The following MS4A4E variants were observed in gnomAD, a reference collection of about 807,000 sequenced individuals.
MS4A4E encodes the protein putative membrane-spanning 4-domains subfamily A member 4E.
In MS4A4E, 23 loss-of-function variants were observed where a neutral mutation model predicts 13.3. That is an observed-to-expected ratio of 1.73 (90% confidence interval 1.25 to 2.45). The LOEUF is 2.45. Ranked by LOEUF, MS4A4E falls within the 30% of genes most tolerant of loss-of-function variation. The probability of loss-of-function intolerance (pLI) is 0.00; values close to 1 mark genes in which losing one functional copy is unlikely to be tolerated. For missense variants in MS4A4E, 144 were observed against 131.2 expected, an observed-to-expected ratio of 1.10 and a Z score of -0.48; for synonymous variants, 36 against 45.6, an observed-to-expected ratio of 0.79 and a Z score of 0.85.
chr11:60,242,444 C>G (rs539037226), intron 1 of MS4A4E, among the ~76,000 whole-genome samples: 4 of 152,268 alleles, frequency 2.6e-5, no homozygotes, highest in East Asian at 3.9e-4. Flanking sequence ...TGGAGAACTA[C>G]GTCAGGCCAC....
chr11:60,236,248 C>T (rs1202453490), intron 1 of MS4A4E, among the ~76,000 whole-genome samples: 1 of 152,182 alleles, frequency 6.6e-6, no homozygotes, highest in African/African-American at 2.4e-5. Context: ...GTGCACCAAA[C>T]TATTTTTCTC....
chr11:60,225,982 T>C (rs2084336769), intron 3 of MS4A4E, among the ~76,000 whole-genome samples: 1 of 151,810 alleles, frequency 6.6e-6, no homozygotes, highest in African/African-American at 2.4e-5. Context: ...ATCACTACAG[T>C]TCCCATAGTA....
intron 3 of MS4A4E, chr11:60,224,943 T>C (rs1009377262): frequency 1.3e-6 from 2 of 1,487,470 alleles, no homozygotes; most frequent in Admixed American, 2.1e-5. Context: ...TATCCAATTA[T>C]ATCAAAAAAT....
At chr11:60,206,479 A>ATATATATGTATATATATATACACG in intron 6 of MS4A4E, among the ~76,000 whole-genome samples, 1 of 5,524 alleles carries the variant, frequency 1.8e-4, no homozygotes, top group Admixed American at 3.3e-3. Context: ...ACACACATAT[A>ATATATATGTATATATATATACACG]TATATATATG....
intron 8 of MS4A4E, among the ~76,000 whole-genome samples, chr11:60,203,762 A>G (rs2084010560): frequency 1.3e-5 from 2 of 152,310 alleles, no homozygotes; most frequent in African/African-American, 4.8e-5. Flanking sequence ...AATTAGATAA[A>G]TAAATAAAAA....
intron 1 of MS4A4E, among the ~76,000 whole-genome samples, chr11:60,242,130 T>C (rs184160854): frequency 3.3e-5 from 5 of 152,136 alleles, no homozygotes; most frequent in Admixed American, 2.6e-4. Flanking sequence ...AGGAGGATGA[T>C]GGGGATGCAG....
intron 1 of MS4A4E, among the ~76,000 whole-genome samples, chr11:60,231,777 G>T (rs2084414108): frequency 6.6e-6 from 1 of 152,110 alleles, no homozygotes; most frequent in African/African-American, 2.4e-5. Flanking sequence ...CCAACAAAAA[G>T]ACATGCTTAG....
intron 8 of MS4A4E, among the ~76,000 whole-genome samples, 62 bp downstream of exon 8, chr11:60,204,828 A>G (rs775585799): frequency 2.0e-5 from 3 of 152,248 alleles, no homozygotes; most frequent in African/African-American, 4.8e-5. Flanking sequence ...TTAAGGTTCT[A>G]TATACTACAT....
intron 8 of MS4A4E, among the ~76,000 whole-genome samples, chr11:60,203,233 T>A (rs537970292): frequency 6.6e-6 from 1 of 152,204 alleles, no homozygotes; most frequent in Non-Finnish European, 1.5e-5. Flanking sequence ...GTTTAATAAT[T>A]CTTTATATGT....
Position 60,214,659 on chromosome 11 carries a change from A to T in MS4A4E, c.179-45T>A, listed in dbSNP as rs1217792513. On this transcript the variant is annotated intron_variant, in intron 3 of 8. Coordinates refer to ENST00000651255, the MANE Select transcript of MS4A4E (RefSeq NM_001393391.1). Reference sequence around the variant, plus strand: ...ATGAGAGAAAAAAATGGAGATAAAAAGTTTTAAACAAGTATTGGAAATCAC... The same window carrying T: ...ATGAGAGAAAAAAATGGAGATAAAATGTTTTAAACAAGTATTGGAAATCAC... 6 of 1,319,720 alleles carry T rather than the reference A, an allele frequency of 4.5e-6. No individual in the cohort carries two copies. In the East Asian group the frequency reaches 1.3e-4, roughly 28 times the overall value. The allele number at this position is 1,319,720 out of a possible 1,614,324, so 81.8% of individuals were successfully genotyped here.
At chr11:60,220,034 C>T (rs1471609689) in intron 3 of MS4A4E, among the ~76,000 whole-genome samples, 1 of 152,168 alleles carries the variant, frequency 6.6e-6, no homozygotes, top group African/African-American at 2.4e-5. Flanking sequence ...AGAGTGAAGG[C>T]TACTATGGTG....
intron 1 of MS4A4E, among the ~76,000 whole-genome samples, chr11:60,231,076 T>C (rs2084405216): frequency 6.6e-6 from 1 of 152,176 alleles, no homozygotes; most frequent in Admixed American, 6.5e-5. Flanking sequence ...TTATCTCTGA[T>C]AGATCAATGA....
intron 1 of MS4A4E, among the ~76,000 whole-genome samples, chr11:60,238,934 C>T (rs1408060252): frequency 6.6e-6 from 1 of 152,202 alleles, no homozygotes; most frequent in East Asian, 1.9e-4. Context: ...TACGACCTAT[C>T]CCTTCCATTC....
At chr11:60,209,841 G>A (rs748728998) in intron 5 of MS4A4E, among the ~76,000 whole-genome samples, 1 of 152,226 alleles carries the variant, frequency 6.6e-6, no homozygotes, top group Non-Finnish European at 1.5e-5. Context: ...TAGACCAAGA[G>A]CTCAGGATAT....
rs1382336750 is a variant in MS4A4E at position 60,201,092 on chromosome 11, CG to C, written c.*450del. ...CTGAACCCCCCACCTCCCTCCCGGA[CG>C]GGGCGGCTGGCCGGGCGGGGTCTGA... On this transcript the variant is annotated 3_prime_UTR_variant, in exon 9 of 9. Transcript: ENST00000651255. 7.5e-6 allele frequency among the ~76,000 whole-genome samples: 1 copy of C among 133,986 alleles called. No individual in the cohort carries two copies. The highest frequency in any genetic ancestry group is 2.8e-5 in the African/African-American group (1 of 35,570). The allele number at this position is 133,986 out of a possible 152,430, so 87.9% of individuals were successfully genotyped here.
chr11:60,241,843 T>C (rs1213533156), intron 1 of MS4A4E, among the ~76,000 whole-genome samples: 1 of 152,202 alleles, frequency 6.6e-6, no homozygotes, highest in African/African-American at 2.4e-5. Context: ...CATCAGGTTC[T>C]TGACAACTAC....
intron 3 of MS4A4E, among the ~76,000 whole-genome samples, chr11:60,227,896 G>A (rs887312478): frequency 4.6e-5 from 7 of 151,710 alleles, no homozygotes; most frequent in African/African-American, 1.5e-4. Context: ...GACCTCCATA[G>A]GCAAAAATTG....
chr11:60,221,816 G>A (rs899177053), intron 3 of MS4A4E, among the ~76,000 whole-genome samples: 1 of 152,202 alleles, frequency 6.6e-6, no homozygotes, highest in Non-Finnish European at 1.5e-5. Flanking sequence ...GAAGATATTT[G>A]TATTTCATGT....
intron 3 of MS4A4E, among the ~76,000 whole-genome samples, chr11:60,227,350 G>C (rs2084356612): frequency 6.6e-6 from 1 of 152,126 alleles, no homozygotes; most frequent in Non-Finnish European, 1.5e-5. Flanking sequence ...AGGAGATTGA[G>C]ACCATCCTGG....
Sources: allele counts gnomAD v4.1 joint callset (sites outside exome capture counted in the v4.1 genomes callset), GRCh38; gene constraint gnomAD v4.1.1; transcripts MANE v1.5; gene names NCBI Gene and HGNC (gene_info 2026-07-23, HGNC 2026-07-21).